TMEM135: variants seen among roughly 807,000 people sequenced by gnomAD.
TMEM135 encodes the protein peroxisomal membrane protein 52.
TMEM135 carries 30 observed loss-of-function variants against 60.3 expected under a neutral mutation model. That is an observed-to-expected ratio of 0.50 (90% CI 0.37 to 0.68). The LOEUF (loss-of-function observed/expected upper bound fraction) is 0.68, where lower values mean the gene tolerates loss of function less well. TMEM135 is among the 30% of genes least tolerant of loss of function. The pLI, the probability that TMEM135 is intolerant of heterozygous loss-of-function variation, is 0.00. For missense variants in TMEM135, 468 were observed against 548.8 expected (o/e 0.85, Z 1.47); for synonymous variants, 190 against 186.7 (o/e 1.02, Z -0.14).
chr11:87,046,321 T>C lies in TMEM135; in HGVS notation c.141+8135T>C, dbSNP rs369507959. On this transcript the variant is annotated intron_variant, in intron 1 of 14. Transcript: ENST00000305494. ...TGGGAGACTGAGGCAGGAGAATCGCTTGCAGCGAGTGGAGATCTCAGCTCC... is the reference window on the plus strand; with the variant it reads ...TGGGAGACTGAGGCAGGAGAATCGCCTGCAGCGAGTGGAGATCTCAGCTCC... Among the ~76,000 whole-genome samples the C allele has an allele frequency of 4.6e-5, 7 of 152,122 alleles. 1 individual carries two copies. Among genetic ancestry groups the C allele is most frequent in the South Asian group, 2.1e-4 (1 of 4,822 alleles).
At chr11:87,085,853 A>G (rs1268134783) in intron 3 of TMEM135, among the ~76,000 whole-genome samples, 1 of 152,160 alleles carries the variant, frequency 6.6e-6, no homozygotes, top group Admixed American at 6.5e-5. Flanking sequence ...AGTCAGATGA[A>G]CTGACTCTGA....
intron 8 of TMEM135, among the ~76,000 whole-genome samples, chr11:87,302,647 T>C (rs1269910672): frequency 2.6e-5 from 4 of 152,202 alleles, no homozygotes; most frequent in Non-Finnish European, 5.9e-5. Context: ...GCATATGCCT[T>C]TAAAAGAGGT....
In TMEM135 at chr11:87,325,722, G is replaced by A. The variant is rs1209356646; in HGVS notation, c.*4389G>A. ...CACTGATTTTTTTTTTATATGCTCT[G>A]TTTTTCTTAGGCAGGATGATGTAGA... On this transcript the variant is annotated 3_prime_UTR_variant, in exon 15 of 15. Coordinates refer to ENST00000305494, the MANE Select transcript of TMEM135 (RefSeq NM_022918.4). The A allele has an allele frequency of 6.6e-6, 3 of 453,774 alleles. No individual in the cohort carries two copies. In the Admixed American group the frequency reaches 7.1e-5, roughly 11 times the overall value. The allele number at this position is 453,774 out of a possible 1,614,324, so 28.1% of individuals were successfully genotyped here.
In TMEM135 at chr11:87,326,842, C is replaced by G. The variant is rs776321068; in HGVS notation, c.*5509C>G. ...ACTGCTCAGGGATAGCACTAAGGCT[C>G]TCTTCAGAACCAAAGGGCAGGATAA... On this transcript the variant is annotated 3_prime_UTR_variant, in exon 15 of 15. Coordinates refer to ENST00000305494, the MANE Select transcript of TMEM135 (RefSeq NM_022918.4). 2 of 451,618 alleles carry G rather than the reference C, an allele frequency of 4.4e-6. No individual in the cohort carries two copies. The highest frequency in any genetic ancestry group is 2.4e-5 in the Admixed American group (1 of 42,206). 28.0% of individuals were successfully genotyped at this position (451,618 alleles called of 1,614,324 possible).
intron 4 of TMEM135, chr11:87,121,084 A>G (rs1308780555): frequency 6.6e-6 from 1 of 152,228 alleles, no homozygotes; most frequent in East Asian, 1.9e-4. Context: ...AACAACTGCC[A>G]GAAATTGTAG....
At chr11:87,194,475 A>G (rs538639004) in intron 5 of TMEM135, among the ~76,000 whole-genome samples, 3 of 152,312 alleles carry the variant, frequency 2.0e-5, no homozygotes, top group African/African-American at 7.2e-5. Flanking sequence ...TTACTTGTAC[A>G]GTATAGTTTA....
At position 87,209,235 on chromosome 11, in the gene TMEM135, CACTAA is replaced by C. The variant is rs201651967; in HGVS notation, c.463-27401_463-27397del. On this transcript the variant is annotated intron_variant, in intron 5 of 14. Coordinates refer to ENST00000305494, the MANE Select transcript of TMEM135 (RefSeq NM_022918.4). ...CTTAATGTCAATGGGCTGAATGCCC[CACTAA>C]AAGGCATACAGGGGCAAGTTGGATA... 5.0e-3 allele frequency among the ~76,000 whole-genome samples: 761 copies of C among 152,188 alleles called. 29 individuals are homozygous for C. The highest frequency in any genetic ancestry group is 0.046 in the Admixed American group (699 of 15,274).
chr11:87,205,864 G>C (rs1940222772), intron 5 of TMEM135, among the ~76,000 whole-genome samples: 1 of 152,156 alleles, frequency 6.6e-6, no homozygotes, highest in South Asian at 2.1e-4. Flanking sequence ...CAGAGGATAA[G>C]GAATTGGGGA....
chr11:87,121,076 C>T (rs1858045028), intron 4 of TMEM135: 1 of 152,148 alleles, frequency 6.6e-6, no homozygotes, highest in Non-Finnish European at 1.5e-5. Flanking sequence ...AGGGGCAGAA[C>T]AACTGCCAGA....
At chr11:87,199,886 T>C (rs1940055915) in intron 5 of TMEM135, among the ~76,000 whole-genome samples, 1 of 152,142 alleles carries the variant, frequency 6.6e-6, no homozygotes, top group African/African-American at 2.4e-5. Context: ...ATCGAGATCA[T>C]GCCACTGCAC....
chr11:87,045,720 T>C (rs2135108518), intron 1 of TMEM135, among the ~76,000 whole-genome samples: 1 of 152,382 alleles, frequency 6.6e-6, no homozygotes, highest in Non-Finnish European at 1.5e-5. Context: ...ATTCATTTTT[T>C]AGAAAACTAT....
chr11:87,105,902 A>G (rs1473194526), intron 4 of TMEM135, among the ~76,000 whole-genome samples: 1 of 152,092 alleles, frequency 6.6e-6, no homozygotes, highest in East Asian at 1.9e-4. Context: ...TTATGTTTGT[A>G]CTCATTCACT....
At chr11:87,288,552 TTC>T (rs551448715) in intron 6 of TMEM135, among the ~76,000 whole-genome samples, 160 of 152,344 alleles carry the variant, frequency 1.1e-3, no homozygotes, top group African/African-American at 3.7e-3. Flanking sequence ...GAAGAATTCA[TTC>T]TGTTTTTCCA....
intron 4 of TMEM135, among the ~76,000 whole-genome samples, chr11:87,093,726 G>A (rs1400356949): frequency 6.6e-6 from 1 of 151,684 alleles, no homozygotes; most frequent in Non-Finnish European, 1.5e-5. Flanking sequence ...TAGAGACGGG[G>A]TTTCACCATG....
At chr11:87,168,566 A>C (rs1268281490) in intron 5 of TMEM135, among the ~76,000 whole-genome samples, 2 of 152,082 alleles carry the variant, frequency 1.3e-5, no homozygotes, top group Admixed American at 6.6e-5. Flanking sequence ...TTATTTACCG[A>C]GTAGTCATAC....
chr11:87,190,442 G>T (rs550318197), intron 5 of TMEM135, among the ~76,000 whole-genome samples: 8 of 152,052 alleles, frequency 5.3e-5, no homozygotes, highest in African/African-American at 1.9e-4. Flanking sequence ...TTTTTCAATG[G>T]TGTTTTAATA....
At chr11:87,281,385 C>G (rs533533176) in intron 6 of TMEM135, among the ~76,000 whole-genome samples, 2 of 152,288 alleles carry the variant, frequency 1.3e-5, no homozygotes, top group South Asian at 4.1e-4. Context: ...CACATGCAGA[C>G]AAACACGTTT....
intron 5 of TMEM135, among the ~76,000 whole-genome samples, chr11:87,232,330 G>A (rs1397618070): frequency 6.6e-6 from 1 of 152,008 alleles, no homozygotes; most frequent in Non-Finnish European, 1.5e-5. Flanking sequence ...TGTAGTTGGA[G>A]TTCTTGAAGC....
rs117602185 is a variant in TMEM135 at position 87,154,199 on chromosome 11, C to G, written c.397-3142C>G. Among the ~76,000 whole-genome samples, 158 of 152,314 alleles carry G rather than the reference C, an allele frequency of 1.0e-3. 3 individuals carry two copies. The East Asian group carries it at 0.029, about 28-fold the overall frequency. On this transcript the variant is annotated intron_variant, in intron 4 of 14. Coordinates refer to ENST00000305494, the MANE Select transcript of TMEM135 (RefSeq NM_022918.4). The stretch of plus-strand genomic sequence containing the variant: ...TTCTGTCTCAATGAATTTCACTACT[C>G]TAGATACTTCATATAAGTGAATCAT...
Sources: gnomAD v4.1 joint callset for allele counts (sites outside exome capture counted in the v4.1 genomes callset) on GRCh38, gnomAD v4.1.1 for gene constraint, MANE v1.5 for transcripts, NCBI Gene and HGNC (gene_info 2026-07-23, HGNC 2026-07-21) for gene names.